The following TLN2 variants were observed in gnomAD, a reference collection of about 807,000 sequenced individuals.
The protein encoded by TLN2 is talin-2.
Under a neutral mutation model 294.7 loss-of-function variants are expected in TLN2, and 118 were observed. The observed-to-expected ratio is 0.40, with a 90% CI of 0.34 to 0.47. The LOEUF (loss-of-function observed/expected upper bound fraction) is 0.47, where lower values mean the gene tolerates loss of function less well. Ranked by LOEUF, TLN2 falls within the 20% of genes least tolerant of loss-of-function variation. The pLI is 0.84. For synonymous variants in TLN2, 1,431 were observed against 1,304.5 expected, an observed-to-expected ratio of 1.10 and a Z score of -2.09; for missense variants, 3,083 against 3,282.2, an observed-to-expected ratio of 0.94 and a Z score of 1.48.
chr15:62,778,678 AC>A (rs1489680318), intron 43 of TLN2, among the ~76,000 whole-genome samples: 1 of 152,264 alleles, frequency 6.6e-6, no homozygotes, highest in Non-Finnish European at 1.5e-5. Context: ...AGCCAGAGAC[AC>A]ATTTGATTCT....
Position 62,805,791 on chromosome 15 carries a change from G to A in TLN2, c.6663+6G>A, listed in dbSNP as rs368027282. 1 of 1,611,552 alleles carries A rather than the reference G, an allele frequency of 6.2e-7. No individual in the cohort carries two copies. Among genetic ancestry groups the A allele is most frequent in the South Asian group, 1.1e-5 (1 of 90,828 alleles). On this transcript the variant is annotated splice_donor_region_variant and intron_variant, in intron 51 of 58. Transcript: ENST00000636159. ...ATATGTTGACGGCTTGCAAGGTAAA[G>A]AGCTTGGCATGGTTTTGGATGGACA...
intron 1 of TLN2, among the ~76,000 whole-genome samples, chr15:62,436,808 C>T (rs528986412): frequency 4.3e-4 from 66 of 152,316 alleles, no homozygotes; most frequent in African/African-American, 1.5e-3. Context: ...ACTGCAGCCT[C>T]GAATTTCTGG....
In TLN2 at chr15:62,707,223, C is replaced by T. The variant is rs554515833; in HGVS notation, c.2142C>T (p.Leu714=). ...RVIAAATQCA[L]STSQLVACAK... ...TTGCTGCTGCCACCCAGTGTGCCCT[C>T]TCCACCTCCCAGCTTGTGGCATGTG... Residue 714 remains leucine (L), a synonymous_variant, in exon 20 of 59, where the codon CTC becomes CTT. Coordinates refer to ENST00000636159, the MANE Select transcript of TLN2 (RefSeq NM_015059.3). 8 of 1,613,028 alleles carry T rather than the reference C, an allele frequency of 5.0e-6. No individual in the cohort carries two copies. The Admixed American group carries it at 1.0e-4, about 20-fold the overall frequency.
intron 1 of TLN2, among the ~76,000 whole-genome samples, chr15:62,534,065 T>C (rs1332597651): frequency 6.6e-6 from 1 of 152,086 alleles, no homozygotes; most frequent in Admixed American, 6.5e-5. Flanking sequence ...ATTCAGCAGA[T>C]CCAGTAGGAG....
intron 2 of TLN2, among the ~76,000 whole-genome samples, chr15:62,606,656 G>A (rs2047474207): frequency 6.6e-6 from 1 of 152,136 alleles, no homozygotes; most frequent in African/African-American, 2.4e-5. Context: ...ACCAGACACT[G>A]CCTTTTTTCA....
intron 13 of TLN2, 77 bp downstream of exon 13, chr15:62,693,018 G>GAAAAAAAA: frequency 7.9e-7 from 1 of 1,258,410 alleles, no homozygotes; most frequent in Admixed American, 2.1e-5. Flanking sequence ...TGGCTACCTT[G>GAAAAAAAA]AAAAAAAAAT....
chr15:62,605,949 G>A (rs1013725987), intron 2 of TLN2, among the ~76,000 whole-genome samples: 5 of 152,204 alleles, frequency 3.3e-5, no homozygotes, highest in Non-Finnish European at 2.9e-5. Context: ...TACATTTCAT[G>A]TGATACATTT....
chr15:62,398,851 A>G lies in TLN2; in HGVS notation c.-238+8166A>G, dbSNP rs192196927. Reference sequence around the variant, plus strand: ...TAGCCTGACGCAGTAGAAAAGAAAAACTCATTTTCTGGGGAGAATTTCAAG... The same window carrying G: ...TAGCCTGACGCAGTAGAAAAGAAAAGCTCATTTTCTGGGGAGAATTTCAAG... On this transcript the variant is annotated intron_variant, in intron 1 of 58. Transcript: ENST00000636159. Among the ~76,000 whole-genome samples the G allele has an allele frequency of 3.1e-3, 464 of 151,916 alleles. 3 individuals are homozygous for G. The highest frequency in any genetic ancestry group is 0.011 in the African/African-American group (454 of 41,368).
intron 28 of TLN2, 98 bp from the exon 29 acceptor site, chr15:62,736,780 C>T (rs2140957689): frequency 7.8e-7 from 1 of 1,287,430 alleles, no homozygotes; most frequent in South Asian, 1.4e-5. Flanking sequence ...TCTGCAGCTC[C>T]CCTTCTGTGC....
chr15:62,711,730 G>A (rs1014036930), intron 21 of TLN2, among the ~76,000 whole-genome samples, 181 bp from the exon 22 acceptor site: 7 of 152,166 alleles, frequency 4.6e-5, no homozygotes, highest in African/African-American at 1.4e-4. Flanking sequence ...CCTGGCAGCC[G>A]CAGGGAATAT....
chr15:62,422,186 T>C (rs1263769323), intron 1 of TLN2, among the ~76,000 whole-genome samples: 12 of 117,360 alleles, frequency 1.0e-4, no homozygotes, highest in Non-Finnish European at 1.8e-4. Flanking sequence ...GCCATTGCAC[T>C]CCAGCCTGGG....
At chr15:62,512,616 A>G (rs1408683020) in intron 1 of TLN2, among the ~76,000 whole-genome samples, 1 of 152,146 alleles carries the variant, frequency 6.6e-6, no homozygotes, top group African/African-American at 2.4e-5. Context: ...CTTCTCATGG[A>G]TGGTATTTGA....
chr15:62,629,304 T>A (rs752361378), intron 3 of TLN2, among the ~76,000 whole-genome samples: 4 of 152,184 alleles, frequency 2.6e-5, no homozygotes, highest in Non-Finnish European at 5.9e-5. Context: ...GAGATAAACA[T>A]TGTGTGTCTG....
intron 1 of TLN2, among the ~76,000 whole-genome samples, chr15:62,474,696 A>G (rs571887786): frequency 6.6e-6 from 1 of 151,964 alleles, no homozygotes; most frequent in Non-Finnish European, 1.5e-5. Context: ...TTTTAAATGG[A>G]CCCTGAGGCT....
intron 1 of TLN2, among the ~76,000 whole-genome samples, chr15:62,510,128 C>CG (rs945125507): frequency 2.0e-5 from 3 of 152,140 alleles, no homozygotes; most frequent in African/African-American, 7.2e-5. Flanking sequence ...TCTTGCAAAA[C>CG]GGGGGCTGGT....
At chr15:62,662,077 A>G in intron 9 of TLN2, among the ~76,000 whole-genome samples, 1 of 152,280 alleles carries the variant, frequency 6.6e-6, no homozygotes, top group East Asian at 1.9e-4. Context: ...AAGAAATAAG[A>G]TATTTAAAAG....
intron 11 of TLN2, chr15:62,683,958 G>C (rs1486061175): frequency 6.6e-6 from 1 of 152,360 alleles, no homozygotes; most frequent in Non-Finnish European, 1.5e-5. Context: ...CACGATCACA[G>C]ATCTCAGCCA....
At chr15:62,762,151 C>T in intron 38 of TLN2, 121 bp from the exon 39 acceptor site, 1 of 1,175,710 alleles carries the variant, frequency 8.5e-7, no homozygotes, top group Non-Finnish European at 1.2e-6. Context: ...GGTTCCCTGC[C>T]CTCTTTGTCT....
At chr15:62,572,546 G>A (rs1481133926) in intron 1 of TLN2, among the ~76,000 whole-genome samples, 1 of 152,022 alleles carries the variant, frequency 6.6e-6, no homozygotes, top group Non-Finnish European at 1.5e-5. Flanking sequence ...TTCCCCCTTA[G>A]ATGGAGCCTA....
Sources: allele counts gnomAD v4.1 joint callset (sites outside exome capture counted in the v4.1 genomes callset), GRCh38; gene constraint gnomAD v4.1.1; transcripts MANE v1.5; gene names NCBI Gene and HGNC (gene_info 2026-07-23, HGNC 2026-07-21).